ATP9B: variants seen among roughly 807,000 people sequenced by gnomAD.
ATP9B encodes ATPase phospholipid transporting 9B, also known as probable phospholipid-transporting ATPase IIB.
ATP9B carries 110 observed loss-of-function variants against 146.1 expected under a neutral mutation model. The observed-to-expected ratio is 0.75, with a 90% CI of 0.65 to 0.88. The LOEUF (loss-of-function observed/expected upper bound fraction) is 0.88, where lower values mean the gene tolerates loss of function less well. ATP9B is among the 40% of genes least tolerant of loss of function. The pLI is 0.00. For synonymous variants in ATP9B, 604 were observed against 569.7 expected, an observed-to-expected ratio of 1.06 and a Z score of -0.86; for missense variants, 1,499 against 1,496.4, an observed-to-expected ratio of 1.00 and a Z score of -0.03.
intron 25 of ATP9B, among the ~76,000 whole-genome samples, 175 bp downstream of exon 25, chr18:79,348,371 T>G (rs757039850): frequency 8.5e-5 from 13 of 152,302 alleles, no homozygotes; most frequent in Non-Finnish European, 1.3e-4. Context: ...AGACAGCACC[T>G]GCACACTTGT....
intron 11 of ATP9B, among the ~76,000 whole-genome samples, chr18:79,245,148 G>A (rs1457497244): frequency 6.6e-6 from 1 of 152,052 alleles, no homozygotes; most frequent in Non-Finnish European, 1.5e-5. Context: ...TACAATGAGA[G>A]CTTTATAACC....
intron 11 of ATP9B, among the ~76,000 whole-genome samples, chr18:79,245,424 C>CA (rs11286619): frequency 8.2e-4 from 125 of 151,720 alleles, no homozygotes; most frequent in Non-Finnish European, 3.2e-4. Flanking sequence ...TACATTAAGA[C>CA]AAAAAAAACA....
chr18:79,342,734 A>G (rs1446649108), intron 20 of ATP9B, among the ~76,000 whole-genome samples: 1 of 152,192 alleles, frequency 6.6e-6, no homozygotes, highest in Admixed American at 6.5e-5. Context: ...TACTATTAGT[A>G]TTATTTGCTA....
chr18:79,271,553 A>G (rs1408271669), intron 12 of ATP9B, among the ~76,000 whole-genome samples: 43 of 139,100 alleles, frequency 3.1e-4, no homozygotes, highest in South Asian at 4.8e-4. Flanking sequence ...CCATGTCCCT[A>G]CAAAGGACAT....
At chr18:79,331,786 G>T (rs1050174743) in intron 17 of ATP9B, among the ~76,000 whole-genome samples, 1 of 152,120 alleles carries the variant, frequency 6.6e-6, no homozygotes, top group Non-Finnish European at 1.5e-5. Context: ...GTAAGAATAT[G>T]TAAGTCTGTG....
intron 26 of ATP9B, among the ~76,000 whole-genome samples, chr18:79,369,301 G>C (rs946572645): frequency 2.0e-5 from 3 of 151,902 alleles, no homozygotes; most frequent in Non-Finnish European, 4.4e-5. Flanking sequence ...TTGGGAGGCC[G>C]AGGCGGGCGG....
At chr18:79,285,146 T>C (rs867265806) in intron 13 of ATP9B, among the ~76,000 whole-genome samples, 3,356 of 151,520 alleles carry the variant, frequency 0.022, 129 homozygotes, top group African/African-American at 0.077. Context: ...AGTAATGGGA[T>C]GGCTGGGTCA....
intron 1 of ATP9B, among the ~76,000 whole-genome samples, chr18:79,092,559 G>A (rs764583834): frequency 6.9e-6 from 1 of 145,698 alleles, no homozygotes; most frequent in Non-Finnish European, 1.5e-5. Context: ...TGAAGATATT[G>A]TTGCACAAAA....
chr18:79,181,362 A>T (rs961695065), intron 8 of ATP9B, among the ~76,000 whole-genome samples: 2 of 152,144 alleles, frequency 1.3e-5, no homozygotes, highest in Non-Finnish European at 2.9e-5. Context: ...GGCTTCTTGT[A>T]TCTGGAGTTT....
At chr18:79,272,015 CT>C (rs1182811501) in intron 12 of ATP9B, among the ~76,000 whole-genome samples, 1 of 152,156 alleles carries the variant, frequency 6.6e-6, no homozygotes, top group Non-Finnish European at 1.5e-5. Context: ...TTTTGTGTGT[CT>C]TTTGGCTGCA....
chr18:79,177,417 T>C (rs898208188), intron 8 of ATP9B, among the ~76,000 whole-genome samples: 1 of 151,940 alleles, frequency 6.6e-6, no homozygotes, highest in Non-Finnish European at 1.5e-5. Context: ...TAATTTTTTT[T>C]TTTTTGTAGA....
intron 11 of ATP9B, among the ~76,000 whole-genome samples, chr18:79,242,500 C>T (rs920181138): frequency 6.6e-6 from 1 of 152,240 alleles, no homozygotes; most frequent in African/African-American, 2.4e-5. Flanking sequence ...TTATTAGCTA[C>T]TTCCTTTTAC....
chr18:79,181,023 C>G (rs1023365824), intron 8 of ATP9B, among the ~76,000 whole-genome samples: 3 of 151,270 alleles, frequency 2.0e-5, no homozygotes, highest in African/African-American at 7.3e-5. Flanking sequence ...GTTGGCCAAG[C>G]TGGTCTTGAA....
At chr18:79,243,732 C>A (rs1353172650) in intron 11 of ATP9B, among the ~76,000 whole-genome samples, 1 of 152,140 alleles carries the variant, frequency 6.6e-6, no homozygotes, top group East Asian at 1.9e-4. Context: ...GTGGTGGTTT[C>A]TAAGATACTG....
At chr18:79,272,365 G>A (rs1007440356) in intron 12 of ATP9B, among the ~76,000 whole-genome samples, 8 of 152,272 alleles carry the variant, frequency 5.3e-5, no homozygotes, top group African/African-American at 1.7e-4. Context: ...CTGATGCACC[G>A]TATGCATGTA....
chr18:79,317,029 A>G (rs562273028), intron 15 of ATP9B, among the ~76,000 whole-genome samples: 1 of 152,340 alleles, frequency 6.6e-6, no homozygotes, highest in Admixed American at 6.5e-5. Flanking sequence ...ACAGTAAAAT[A>G]AGTGTTTTCT....
intron 12 of ATP9B, among the ~76,000 whole-genome samples, chr18:79,256,451 G>C (rs1057352012): frequency 6.6e-6 from 1 of 150,512 alleles, no homozygotes; most frequent in Non-Finnish European, 1.5e-5. Context: ...TACTTTATTT[G>C]CATTAATTTA....
intron 11 of ATP9B, among the ~76,000 whole-genome samples, chr18:79,241,516 C>T (rs1599200184): frequency 6.6e-6 from 1 of 152,190 alleles, no homozygotes; most frequent in Non-Finnish European, 1.5e-5. Flanking sequence ...AGGTTCCATA[C>T]AGAGTCTCAC....
intron 28 of ATP9B, among the ~76,000 whole-genome samples, chr18:79,374,875 ACT>A (rs1428931084): frequency 1.3e-5 from 2 of 152,232 alleles, no homozygotes; most frequent in East Asian, 1.9e-4. Flanking sequence ...ACGTGAACAC[ACT>A]CAGTGCCACA....
Sources: allele counts gnomAD v4.1 joint callset (sites outside exome capture counted in the v4.1 genomes callset), GRCh38; gene constraint gnomAD v4.1.1; transcripts MANE v1.5; gene names NCBI Gene and HGNC (gene_info 2026-07-23, HGNC 2026-07-21).